TMEM163: variants seen among roughly 807,000 people sequenced by gnomAD.
TMEM163 encodes transmembrane protein 163.
In TMEM163, 17 loss-of-function variants were observed where a neutral mutation model predicts 29.3. That is an observed-to-expected ratio of 0.58 (90% CI 0.40 to 0.87). TMEM163 has a LOEUF of 0.87. Among genes scored for constraint, TMEM163 ranks in the 40% least tolerant of loss-of-function variants. The probability of loss-of-function intolerance (pLI) is 0.00; values close to 1 mark genes in which losing one functional copy is unlikely to be tolerated. For synonymous variants in TMEM163, 157 were observed against 160.6 expected (o/e 0.98, Z 0.17); for missense variants, 303 against 381.5 (o/e 0.79, Z 1.71).
At chr2:134,510,452 G>A (rs1240032951) in intron 4 of TMEM163, among the ~76,000 whole-genome samples, 1 of 152,096 alleles carries the variant, frequency 6.6e-6, no homozygotes, top group Non-Finnish European at 1.5e-5. Context: ...GGATTGGGAA[G>A]GCTGAAGGGT....
chr2:134,587,012 T>A (rs72984284), intron 2 of TMEM163, among the ~76,000 whole-genome samples: 6,678 of 151,984 alleles, frequency 0.044, 498 homozygotes, highest in African/African-American at 0.15. Context: ...TTAGGGTAAA[T>A]CTTGGACTTA....
At chr2:134,621,791 T>C (rs1347327737) in intron 2 of TMEM163, among the ~76,000 whole-genome samples, 1 of 152,036 alleles carries the variant, frequency 6.6e-6, no homozygotes, top group Non-Finnish European at 1.5e-5. Flanking sequence ...CTCGGGAGGC[T>C]GAGGCAGGAG....
At chr2:134,699,145 A>C (rs1266098823) in intron 2 of TMEM163, among the ~76,000 whole-genome samples, 1 of 152,228 alleles carries the variant, frequency 6.6e-6, no homozygotes, top group Non-Finnish European at 1.5e-5. Flanking sequence ...CATAGCGCAC[A>C]GTTCAATAGC....
At chr2:134,478,875 G>T (rs989387316) in intron 5 of TMEM163, among the ~76,000 whole-genome samples, 8 of 152,162 alleles carry the variant, frequency 5.3e-5, no homozygotes, top group Admixed American at 2.6e-4. Flanking sequence ...GGCCTCAGAG[G>T]AAAGAATCAT....
intron 2 of TMEM163, among the ~76,000 whole-genome samples, chr2:134,661,455 A>G (rs1683749089): frequency 6.6e-6 from 1 of 152,264 alleles, no homozygotes; most frequent in Non-Finnish European, 1.5e-5. Flanking sequence ...GAATGCAGCC[A>G]CATTCATGTT....
At chr2:134,627,988 T>C (rs906935611) in intron 2 of TMEM163, among the ~76,000 whole-genome samples, 3 of 152,186 alleles carry the variant, frequency 2.0e-5, no homozygotes, top group Admixed American at 6.5e-5. Context: ...AATTAATAAG[T>C]TGTCATTCAA....
chr2:134,695,202 G>A (rs1684552413), intron 2 of TMEM163, among the ~76,000 whole-genome samples: 2 of 151,956 alleles, frequency 1.3e-5, no homozygotes, highest in African/African-American at 4.8e-5. Context: ...TCAGCCTCCT[G>A]AGTAGCTGGG....
chr2:134,717,265 A>T (rs1685056706), intron 1 of TMEM163, among the ~76,000 whole-genome samples: 1 of 152,214 alleles, frequency 6.6e-6, no homozygotes, highest in Non-Finnish European at 1.5e-5. Context: ...CTACGATATT[A>T]GCTGGAGAGG....
chr2:134,520,270 G>A (rs1440115574), intron 4 of TMEM163, among the ~76,000 whole-genome samples: 1 of 152,216 alleles, frequency 6.6e-6, no homozygotes, highest in East Asian at 1.9e-4. Context: ...GAATTCTCAT[G>A]CATGAACATT....
intron 2 of TMEM163, among the ~76,000 whole-genome samples, chr2:134,710,503 C>T (rs958054940): frequency 4.6e-5 from 7 of 152,106 alleles, no homozygotes; most frequent in African/African-American, 1.7e-4. Flanking sequence ...ACTCCCTTAG[C>T]AAGAGAATGG....
chr2:134,508,767 C>G (rs1415081344), intron 4 of TMEM163, among the ~76,000 whole-genome samples: 3 of 151,696 alleles, frequency 2.0e-5, no homozygotes, highest in African/African-American at 7.3e-5. Flanking sequence ...TGAACTCCAG[C>G]CCCTCATCCT....
chr2:134,515,293 C>T (rs555140441), intron 4 of TMEM163, among the ~76,000 whole-genome samples: 5 of 152,102 alleles, frequency 3.3e-5, no homozygotes, highest in South Asian at 2.1e-4. Flanking sequence ...AACTCTCACA[C>T]GGGGTCTGAA....
intron 2 of TMEM163, among the ~76,000 whole-genome samples, chr2:134,590,519 C>T (rs779729663): frequency 6.6e-6 from 1 of 152,188 alleles, no homozygotes; most frequent in Non-Finnish European, 1.5e-5. Flanking sequence ...GGTCCAGATC[C>T]AGACCCCAAG....
chr2:134,545,677 C>G (rs888942224), intron 4 of TMEM163, among the ~76,000 whole-genome samples: 2 of 152,280 alleles, frequency 1.3e-5, no homozygotes, highest in East Asian at 3.9e-4. Context: ...ATGGATCATA[C>G]TGCCAACACC....
chr2:134,574,353 A>C (rs900242785), intron 2 of TMEM163, among the ~76,000 whole-genome samples: 2 of 152,208 alleles, frequency 1.3e-5, no homozygotes, highest in Non-Finnish European at 2.9e-5. Context: ...TGAGCCCAGT[A>C]GTTCGAGACC....
Position 134,480,398 on chromosome 2 carries a change from AC to A in TMEM163, c.556-14174del, listed in dbSNP as rs573317114. ...TGGTCCCTGACTGCAATCACTCCTC[AC>A]CCCCGATCTTTCTTCTTTTTTTTAA... On this transcript the variant is annotated intron_variant, in intron 5 of 7. Transcript: ENST00000281924. Among the ~76,000 whole-genome samples, 10 of 59,954 alleles carry A rather than the reference AC, an allele frequency of 1.7e-4. No homozygotes were observed. In the East Asian group the frequency reaches 0.051, roughly 303 times the overall value. The allele number at this position is 59,954 out of a possible 152,430, so 39.3% of individuals were successfully genotyped here.
At chr2:134,529,500 C>A (rs1442045134) in intron 4 of TMEM163, among the ~76,000 whole-genome samples, 1 of 151,400 alleles carries the variant, frequency 6.6e-6, no homozygotes, top group Non-Finnish European at 1.5e-5. Flanking sequence ...TGTAATTCAG[C>A]ACTTTGGGGG....
intron 2 of TMEM163, among the ~76,000 whole-genome samples, chr2:134,663,079 A>G (rs1683791670): frequency 6.6e-6 from 1 of 152,210 alleles, no homozygotes; most frequent in South Asian, 2.1e-4. Context: ...TCAACCCTCT[A>G]TCATAGGCAA....
Position 134,656,191 on chromosome 2 carries a change from A to G in TMEM163, c.322+57009T>C, listed in dbSNP as rs1456047259. On this transcript the variant is annotated intron_variant, in intron 2 of 7. Coordinates refer to ENST00000281924, the MANE Select transcript of TMEM163 (RefSeq NM_030923.5). ...TTGATCTCAGACTGCTGTACTAGAA[A>G]TCAGCGAGACTCCGTGGGCGTAGGA... Among the ~76,000 whole-genome samples the G allele has an allele frequency of 6.2e-5, 9 of 146,136 alleles. No individual in the cohort carries two copies. In the South Asian group the frequency reaches 2.0e-3, roughly 32 times the overall value.
Sources: allele counts gnomAD v4.1 joint callset (sites outside exome capture counted in the v4.1 genomes callset), GRCh38; gene constraint gnomAD v4.1.1; transcripts MANE v1.5; gene names NCBI Gene and HGNC (gene_info 2026-07-23, HGNC 2026-07-21).